Variants in SLC35F3 observed in about 807,000 individuals in gnomAD.
The protein encoded by SLC35F3 is putative thiamine transporter SLC35F3.
Under a neutral mutation model 49.9 loss-of-function variants are expected in SLC35F3, and 25 were observed. The observed-to-expected ratio is 0.50, with a 90% CI of 0.37 to 0.70. The LOEUF (loss-of-function observed/expected upper bound fraction) is 0.70. SLC35F3 is among the 30% of genes least tolerant of loss of function. The pLI is 0.00. For synonymous variants in SLC35F3, 275 were observed against 265.4 expected, an observed-to-expected ratio of 1.04 and a Z score of -0.35; for missense variants, 525 against 639.8, an observed-to-expected ratio of 0.82 and a Z score of 1.94.
At chr1:233,988,847 G>T (rs892886138) in intron 2 of SLC35F3, among the ~76,000 whole-genome samples, 7 of 152,144 alleles carry the variant, frequency 4.6e-5, no homozygotes, top group African/African-American at 1.7e-4. Flanking sequence ...TTCAAAAGAA[G>T]ATTCCAACCC....
intron 3 of SLC35F3, among the ~76,000 whole-genome samples, chr1:234,271,224 T>G (rs1333690273): frequency 6.6e-6 from 1 of 152,210 alleles, no homozygotes; most frequent in Non-Finnish European, 1.5e-5. Flanking sequence ...CAATCATTAC[T>G]ACTGAGATAG....
chr1:234,067,019 TATA>T (rs1338093329), intron 2 of SLC35F3, among the ~76,000 whole-genome samples: 7 of 152,342 alleles, frequency 4.6e-5, no homozygotes, highest in East Asian at 1.9e-4. Flanking sequence ...AAATAACTCT[TATA>T]ATAAATAACT....
intron 2 of SLC35F3, chr1:234,215,194 G>A: frequency 6.6e-6 from 1 of 152,476 alleles, no homozygotes; most frequent in East Asian, 1.9e-4. Context: ...AGGCCCTGGA[G>A]AGGGATTGGA....
intron 2 of SLC35F3, among the ~76,000 whole-genome samples, chr1:233,943,056 A>G (rs1662454254): frequency 6.6e-6 from 1 of 152,238 alleles, no homozygotes; most frequent in African/African-American, 2.4e-5. Context: ...AATACCCAAG[A>G]TATGAAACCA....
At chr1:234,111,585 G>T (rs1264034599) in intron 2 of SLC35F3, among the ~76,000 whole-genome samples, 1 of 152,158 alleles carries the variant, frequency 6.6e-6, no homozygotes, top group Non-Finnish European at 1.5e-5. Flanking sequence ...GAGCCGCTGC[G>T]CCCGGTTGTC....
At chr1:233,974,470 C>T (rs1050512056) in intron 2 of SLC35F3, among the ~76,000 whole-genome samples, 26 of 152,040 alleles carry the variant, frequency 1.7e-4, no homozygotes, top group African/African-American at 2.9e-4. Flanking sequence ...TGTGAGCCAC[C>T]GTGCCCGGCC....
chr1:233,949,762 T>C (rs538406421), intron 2 of SLC35F3, among the ~76,000 whole-genome samples: 2 of 152,228 alleles, frequency 1.3e-5, no homozygotes, highest in South Asian at 4.2e-4. Flanking sequence ...GACCGTCTGC[T>C]GTACCGCTAA....
chr1:233,985,536 GA>G (rs1171558772), intron 2 of SLC35F3, among the ~76,000 whole-genome samples: 1 of 152,072 alleles, frequency 6.6e-6, no homozygotes, highest in Non-Finnish European at 1.5e-5. Context: ...TGACCATTAA[GA>G]AAAAAATTCC....
intron 2 of SLC35F3, among the ~76,000 whole-genome samples, chr1:233,926,899 C>T (rs905982854): frequency 2.0e-5 from 3 of 152,124 alleles, no homozygotes; most frequent in Non-Finnish European, 4.4e-5. Context: ...GGACCCTCAG[C>T]TGCAGGTCTG....
At chr1:234,175,873 A>C (rs551423353) in intron 2 of SLC35F3, among the ~76,000 whole-genome samples, 66 of 152,268 alleles carry the variant, frequency 4.3e-4, no homozygotes, top group African/African-American at 1.4e-3. Context: ...CAGGTCCACC[A>C]TCCGCACCCC....
chr1:234,218,743 A>G (rs964310941), intron 2 of SLC35F3, among the ~76,000 whole-genome samples: 1 of 152,182 alleles, frequency 6.6e-6, no homozygotes, highest in African/African-American at 2.4e-5. Context: ...ATATCAGCTC[A>G]TGGCACTTTG....
chr1:233,926,019 C>T (rs1662152167), intron 2 of SLC35F3, among the ~76,000 whole-genome samples: 1 of 152,188 alleles, frequency 6.6e-6, no homozygotes, highest in African/African-American at 2.4e-5. Flanking sequence ...GTCTGATAGG[C>T]TTCCCTTTGT....
At chr1:234,128,004 G>A (rs949117102) in intron 2 of SLC35F3, among the ~76,000 whole-genome samples, 1 of 152,174 alleles carries the variant, frequency 6.6e-6, no homozygotes, top group Non-Finnish European at 1.5e-5. Flanking sequence ...ACCTGACATT[G>A]GGTTGGGAGC....
intron 2 of SLC35F3, among the ~76,000 whole-genome samples, chr1:234,129,475 T>A (rs954905015): frequency 1.3e-5 from 2 of 152,142 alleles, no homozygotes; most frequent in African/African-American, 2.4e-5. Context: ...ATACACCATG[T>A]TTATGGTTTG....
intron 2 of SLC35F3, among the ~76,000 whole-genome samples, chr1:233,955,765 G>GTTTTTTT (rs551238786): frequency 8.9e-6 from 1 of 112,954 alleles, no homozygotes; most frequent in Non-Finnish European, 1.7e-5. Context: ...CTCACGAACT[G>GTTTTTTT]TTTTTTTTTT....
At chr1:234,118,733 G>T (rs1020463743) in intron 2 of SLC35F3, among the ~76,000 whole-genome samples, 1 of 152,180 alleles carries the variant, frequency 6.6e-6, no homozygotes, top group African/African-American at 2.4e-5. Flanking sequence ...GAGGCTCAGG[G>T]AGGTGAAATG....
Position 234,231,961 on chromosome 1 carries a change from T to TG in SLC35F3, c.608+223dup, listed in dbSNP as rs1246857478. 1.3e-5 allele frequency among the ~76,000 whole-genome samples: 2 copies of TG among 152,238 alleles called. No homozygotes were observed. Among genetic ancestry groups the TG allele is most frequent in the East Asian group, 3.9e-4 (2 of 5,162 alleles). ...TCCTCTACCTCCTGCCCCTCAGCCC[T>TG]GGGAGCCCCTTTATATAAAAGCAGG... is the stretch of plus-strand genomic sequence containing the variant. On this transcript the variant is annotated intron_variant, in intron 3 of 7. Transcript: ENST00000366618. This position sits in a 1 kb window ranked among gnomAD's most constrained non-coding sequence, Gnocchi z 5.4.
At chr1:234,267,556 G>GT (rs1668009862) in intron 3 of SLC35F3, among the ~76,000 whole-genome samples, 1 of 150,328 alleles carries the variant, frequency 6.7e-6, no homozygotes, top group African/African-American at 2.5e-5. Flanking sequence ...CGGGCAGAGG[G>GT]GTCCTCACTT....
intron 2 of SLC35F3, among the ~76,000 whole-genome samples, chr1:234,004,994 G>A (rs1267887257): frequency 2.6e-5 from 4 of 151,996 alleles, no homozygotes; most frequent in African/African-American, 4.8e-5. Flanking sequence ...TTTAAGGGGA[G>A]AATCTTAAGC....
Sources: allele counts gnomAD v4.1 joint callset (sites outside exome capture counted in the v4.1 genomes callset), GRCh38; gene constraint gnomAD v4.1.1; non-coding constraint Gnocchi (gnomAD v3.1); transcripts MANE v1.5; gene names NCBI Gene and HGNC (gene_info 2026-07-23, HGNC 2026-07-21).